FRMPD4: variants seen among roughly 807,000 people sequenced by gnomAD.
FRMPD4 encodes the protein FERM and PDZ domain-containing protein 4.
FRMPD4 carries 22 observed loss-of-function variants against 94.1 expected under a neutral mutation model. The observed-to-expected ratio is 0.23, with a 90% CI of 0.17 to 0.33. The LOEUF (loss-of-function observed/expected upper bound fraction) is 0.33, where lower values mean the gene tolerates loss of function less well. FRMPD4 is among the 10% of genes least tolerant of loss of function. FRMPD4 has a pLI of 1.00. For synonymous variants in FRMPD4, 631 were observed against 548.6 expected (o/e 1.15, Z -2.10); for missense variants, 1,111 against 1,339.9 (o/e 0.83, Z 2.67).
At chrX:12,033,187 T>C (rs1370241348) in intron 3 of FRMPD4, among the ~76,000 whole-genome samples, 1 of 110,808 alleles carries the variant, frequency 9.0e-6, no homozygotes, top group Non-Finnish European at 1.9e-5. Context: ...TGAGAGGGGA[T>C]TGAAGAAAGT....
chrX:12,334,726 G>A (rs2055489688), intron 1 of FRMPD4, among the ~76,000 whole-genome samples: 1 of 110,037 alleles, frequency 9.1e-6, no homozygotes, highest in Admixed American at 9.8e-5. Flanking sequence ...AATCTTTATT[G>A]TGCACCTGTT....
Position 12,195,800 on chromosome X carries a change from T to A in FRMPD4, c.41+56788T>A, listed in dbSNP as rs1357756265. 7.2e-5 allele frequency among the ~76,000 whole-genome samples: 8 copies of A among 111,878 alleles called. No homozygotes were observed. The East Asian group carries it at 2.0e-3, about 28-fold the overall frequency. ...AGGTTAACACTTTTCTGCAGAGATG[T>A]AGACTTTTCTAGTACTACTCAGTAT... is the stretch of plus-strand genomic sequence containing the variant. On this transcript the variant is annotated intron_variant, in intron 1 of 16. Transcript: ENST00000675598.
intron 1 of FRMPD4, among the ~76,000 whole-genome samples, chrX:12,491,268 C>T (rs1473690261): frequency 2.7e-5 from 3 of 111,833 alleles, no homozygotes; most frequent in Admixed American, 1.9e-4. Context: ...ATATAAAATA[C>T]ACAAAATTTA....
chrX:12,653,763 T>A (rs748643649), intron 4 of FRMPD4, among the ~76,000 whole-genome samples: 191 of 109,227 alleles, frequency 1.7e-3, no homozygotes, highest in African/African-American at 6.2e-3. Context: ...AACCACTAAT[T>A]TTTGTTTGTT....
chrX:12,290,357 A>G (rs1188798467), intron 1 of FRMPD4, among the ~76,000 whole-genome samples: 2 of 112,491 alleles, frequency 1.8e-5, no homozygotes, highest in Admixed American at 9.4e-5. Flanking sequence ...CATGTGCTCA[A>G]TTCCTGGCTT....
At chrX:11,930,467 C>T (rs1396404499) in intron 3 of FRMPD4, among the ~76,000 whole-genome samples, 1 of 76,482 alleles carries the variant, frequency 1.3e-5, no homozygotes. Context: ...AGAAGGTGGT[C>T]ATGTGAAGAC....
At chrX:12,028,917 T>C (rs2054676344) in intron 3 of FRMPD4, among the ~76,000 whole-genome samples, 1 of 112,515 alleles carries the variant, frequency 8.9e-6, no homozygotes. Flanking sequence ...GTTTTGGCAA[T>C]TATGAATAAA....
At chrX:12,316,989 T>C (rs1416054306) in intron 1 of FRMPD4, among the ~76,000 whole-genome samples, 1 of 112,066 alleles carries the variant, frequency 8.9e-6, no homozygotes, top group African/African-American at 3.2e-5. Flanking sequence ...CAGTGAAAAA[T>C]GTTTAGTTCA....
At chrX:12,520,021 A>G (rs1270052477) in intron 2 of FRMPD4, among the ~76,000 whole-genome samples, 3 of 112,165 alleles carry the variant, frequency 2.7e-5, no homozygotes, top group African/African-American at 6.5e-5. Flanking sequence ...TAACTACTAT[A>G]TGATCCAACA....
chrX:12,053,485 A>T (rs2054836789), intron 3 of FRMPD4, among the ~76,000 whole-genome samples: 1 of 109,519 alleles, frequency 9.1e-6, no homozygotes, highest in Non-Finnish European at 1.9e-5. Flanking sequence ...GGAAGGAAAG[A>T]AGAAGGAAAG....
intron 2 of FRMPD4, among the ~76,000 whole-genome samples, chrX:12,577,777 C>T (rs2058826250): frequency 8.9e-6 from 1 of 111,917 alleles, no homozygotes; most frequent in Admixed American, 9.4e-5. Context: ...GTTTCAGGGC[C>T]ATTGAAAAGA....
chrX:12,707,448 T>A, intron 12 of FRMPD4, 21 bp from the exon 13 acceptor site: 1 of 1,157,507 alleles, frequency 8.6e-7, no homozygotes, highest in Non-Finnish European at 1.2e-6. Context: ...TATTTTTATG[T>A]TGTCAACTTC....
chrX:12,255,906 C>T (rs1211175269), intron 1 of FRMPD4, among the ~76,000 whole-genome samples: 1 of 112,125 alleles, frequency 8.9e-6, no homozygotes, highest in Admixed American at 9.4e-5. Context: ...TGATCATGAA[C>T]ATGATGGTAG....
intron 3 of FRMPD4, among the ~76,000 whole-genome samples, chrX:12,063,091 T>C (rs996989290): frequency 8.9e-6 from 1 of 112,183 alleles, no homozygotes; most frequent in Non-Finnish European, 1.9e-5. Flanking sequence ...AGAATGCTAC[T>C]AGGCATAGTG....
chrX:11,823,453 T>C (rs771631975), intron 1 of FRMPD4, among the ~76,000 whole-genome samples: 81 of 111,048 alleles, frequency 7.3e-4, no homozygotes, highest in African/African-American at 2.6e-3. Context: ...CATTGGATCA[T>C]ATTCAAAGAT....
intron 1 of FRMPD4, among the ~76,000 whole-genome samples, chrX:12,487,950 CT>C (rs1314062964): frequency 8.9e-6 from 1 of 112,020 alleles, no homozygotes; most frequent in Non-Finnish European, 1.9e-5. Flanking sequence ...ATAAAGTACA[CT>C]AGGTTTATGT....
intron 2 of FRMPD4, among the ~76,000 whole-genome samples, chrX:12,521,070 A>G (rs1275265614): frequency 8.9e-6 from 1 of 112,118 alleles, no homozygotes; most frequent in African/African-American, 3.2e-5. Context: ...CTGTGCTCCA[A>G]AAAAACTTTA....
chrX:12,698,950 T>TG (rs772223109), intron 9 of FRMPD4, among the ~76,000 whole-genome samples: 6 of 112,125 alleles, frequency 5.4e-5, no homozygotes, highest in Non-Finnish European at 1.1e-4. Flanking sequence ...AGAGATGAAA[T>TG]GCCATGTTCG....
intron 1 of FRMPD4, among the ~76,000 whole-genome samples, chrX:12,443,987 G>T (rs1163404664): frequency 9.0e-6 from 1 of 111,104 alleles, no homozygotes; most frequent in Non-Finnish European, 1.9e-5. Flanking sequence ...TATCTTGAAA[G>T]TCCCCGTTTT....
Sources: allele counts gnomAD v4.1 joint callset (sites outside exome capture counted in the v4.1 genomes callset), GRCh38; gene constraint gnomAD v4.1.1; transcripts MANE v1.5; gene names NCBI Gene and HGNC (gene_info 2026-07-23, HGNC 2026-07-21).